ZNF536: variants seen among roughly 807,000 people sequenced by gnomAD.
ZNF536 encodes the protein zinc finger protein 536.
ZNF536 carries 13 observed loss-of-function variants against 84.5 expected under a neutral mutation model. That is an observed-to-expected ratio of 0.15 (90% CI 0.10 to 0.24). The LOEUF (loss-of-function observed/expected upper bound fraction) is 0.24, where lower values mean the gene tolerates loss of function less well. Among genes scored for constraint, ZNF536 ranks in the 10% least tolerant of loss-of-function variants. The probability of loss-of-function intolerance (pLI) is 1.00; values close to 1 mark genes in which losing one functional copy is unlikely to be tolerated. For missense variants in ZNF536, 1,536 were observed against 1,747.5 expected, an observed-to-expected ratio of 0.88 and a Z score of 2.16; for synonymous variants, 811 against 742.5, an observed-to-expected ratio of 1.09 and a Z score of -1.50.
intron 3 of ZNF536, among the ~76,000 whole-genome samples, chr19:30,538,026 A>G (rs946055008): frequency 6.6e-6 from 1 of 152,194 alleles, no homozygotes; most frequent in Admixed American, 6.5e-5. Flanking sequence ...CACCCAAATA[A>G]ACATCTATTA....
At chr19:30,546,081 C>T (rs2045545765) in intron 3 of ZNF536, among the ~76,000 whole-genome samples, 1 of 152,186 alleles carries the variant, frequency 6.6e-6, no homozygotes, top group Non-Finnish European at 1.5e-5. Context: ...CGGGGACTGC[C>T]TCTGTTACAC....
chr19:30,301,232 C>T (rs575313284), intron 2 of ZNF536, among the ~76,000 whole-genome samples: 2 of 152,190 alleles, frequency 1.3e-5, no homozygotes, highest in East Asian at 3.9e-4. Flanking sequence ...GGGAAACCGG[C>T]GACAACTTAC....
chr19:30,495,580 A>G (rs531368012), intron 2 of ZNF536, among the ~76,000 whole-genome samples: 26 of 152,316 alleles, frequency 1.7e-4, no homozygotes, highest in African/African-American at 6.3e-4. Flanking sequence ...GCAGGCAAAT[A>G]CAACCTCTTA....
chr19:30,362,561 G>C (rs1178534765), intron 3 of ZNF536, among the ~76,000 whole-genome samples: 2 of 152,096 alleles, frequency 1.3e-5, no homozygotes, highest in Non-Finnish European at 2.9e-5. Context: ...CTCCTGTCTT[G>C]ACCCAGCTAC....
intron 2 of ZNF536, among the ~76,000 whole-genome samples, chr19:30,303,977 G>T (rs1041213826): frequency 6.6e-6 from 1 of 152,190 alleles, no homozygotes; most frequent in Non-Finnish European, 1.5e-5. Context: ...CACCTCTGGA[G>T]CACCCCTCAG....
intron 1 of ZNF536, among the ~76,000 whole-genome samples, chr19:30,379,098 G>A (rs1339718532): frequency 6.6e-6 from 1 of 152,210 alleles, no homozygotes; most frequent in Non-Finnish European, 1.5e-5. Context: ...AATATTGTTT[G>A]AAATATGGAG....
At chr19:30,455,892 C>T (rs1368110440) in intron 2 of ZNF536, among the ~76,000 whole-genome samples, 1 of 152,188 alleles carries the variant, frequency 6.6e-6, no homozygotes, top group Non-Finnish European at 1.5e-5. Flanking sequence ...AAAGTACATA[C>T]TTCTGTGTAA....
rs202132399 is a variant in ZNF536 at position 30,337,978 on chromosome 19, T to TATG, written c.-119-14374_-119-14372dup. 1.3e-4 allele frequency among the ~76,000 whole-genome samples: 19 copies of TATG among 150,730 alleles called. 1 individual carries two copies. The highest frequency in any genetic ancestry group is 3.4e-4 in the African/African-American group (14 of 40,948). On this transcript the variant is annotated intron_variant, in intron 2 of 5. Transcript: ENST00000585628. The stretch of plus-strand genomic sequence containing the variant: ...TGATCGTGATGGTGATGATTGTGAT[T>TATG]ATGATGATGATGATGATGGTGATTG...
At chr19:30,267,153 TGA>T (rs1430473056) in intron 1 of ZNF536, among the ~76,000 whole-genome samples, 1 of 152,254 alleles carries the variant, frequency 6.6e-6, no homozygotes, top group Non-Finnish European at 1.5e-5. Flanking sequence ...GTGAAAATTT[TGA>T]CTCATCTGCT....
chr19:30,680,739 A>C (rs901880117), intron 1 of ZNF536, among the ~76,000 whole-genome samples: 10 of 152,136 alleles, frequency 6.6e-5, no homozygotes, highest in African/African-American at 2.4e-4. Context: ...TTATAGCAGC[A>C]TGATTTATAG....
At chr19:30,602,422 G>T (rs1375838201) in intron 1 of ZNF536, among the ~76,000 whole-genome samples, 4 of 152,228 alleles carry the variant, frequency 2.6e-5, no homozygotes, top group Admixed American at 1.3e-4. Context: ...GTGCTGCGTG[G>T]ATACAACCCC....
At chr19:30,645,781 C>T (rs967795844) in intron 1 of ZNF536, among the ~76,000 whole-genome samples, 4 of 152,216 alleles carry the variant, frequency 2.6e-5, no homozygotes, top group East Asian at 1.9e-4. Context: ...GCCCACTTAG[C>T]GGATGGCGCC....
chr19:30,425,510 G>A (rs1051860592), intron 1 of ZNF536, among the ~76,000 whole-genome samples: 10 of 152,152 alleles, frequency 6.6e-5, no homozygotes, highest in Non-Finnish European at 1.5e-4. Flanking sequence ...ATGTCACCAA[G>A]CATCTGACGT....
chr19:30,665,791 G>A (rs1367102554), intron 1 of ZNF536: 1 of 152,538 alleles, frequency 6.6e-6, no homozygotes, highest in African/African-American at 2.4e-5. Context: ...ATCAGCAGCA[G>A]CGTGGAGAGA....
intron 2 of ZNF536, among the ~76,000 whole-genome samples, chr19:30,450,844 C>T (rs542463323): frequency 3.9e-5 from 6 of 152,186 alleles, no homozygotes; most frequent in East Asian, 1.9e-4. Flanking sequence ...TTTTTCTGCC[C>T]CCAGCCCACC....
At chr19:30,409,940 T>C (rs1038082878) in intron 1 of ZNF536, among the ~76,000 whole-genome samples, 3 of 152,212 alleles carry the variant, frequency 2.0e-5, no homozygotes, top group Non-Finnish European at 2.9e-5. Context: ...TTATGCCTTC[T>C]GTCTGGTTTC....
At chr19:30,453,171 T>C (rs963105951) in intron 2 of ZNF536, among the ~76,000 whole-genome samples, 2 of 151,922 alleles carry the variant, frequency 1.3e-5, no homozygotes, top group South Asian at 2.1e-4. Context: ...GAAAGCTGTG[T>C]CCCCCCCACC....
intron 2 of ZNF536, among the ~76,000 whole-genome samples, chr19:30,451,759 C>T (rs1317661122): frequency 6.6e-6 from 1 of 152,178 alleles, no homozygotes; most frequent in African/African-American, 2.4e-5. Flanking sequence ...ACCGCTGTTG[C>T]CTGGGCTGCC....
At chr19:30,430,071 T>G (rs984821344) in intron 1 of ZNF536, among the ~76,000 whole-genome samples, 1 of 152,046 alleles carries the variant, frequency 6.6e-6, no homozygotes, top group Non-Finnish European at 1.5e-5. Flanking sequence ...GGAGTGGCTG[T>G]GTGGAAGAAC....
Sources: gnomAD v4.1 joint callset for allele counts (sites outside exome capture counted in the v4.1 genomes callset) on GRCh38, gnomAD v4.1.1 for gene constraint, MANE v1.5 for transcripts, NCBI Gene and HGNC (gene_info 2026-07-23, HGNC 2026-07-21) for gene names.